Variants in NLGN1 observed in about 807,000 individuals in gnomAD.
NLGN1 encodes neuroligin 1.
Under a neutral mutation model 65.5 loss-of-function variants are expected in NLGN1, and 12 were observed. The ratio of observed to expected loss-of-function variants is 0.18; its 90% CI spans 0.12 to 0.30. NLGN1 has a LOEUF of 0.30. Ranked by LOEUF, NLGN1 falls within the 10% of genes least tolerant of loss-of-function variation. The pLI is 1.00. For synonymous variants in NLGN1, 350 were observed against 359.5 expected (o/e 0.97, Z 0.30); for missense variants, 750 against 1,007.1 (o/e 0.74, Z 3.46).
At position 174,162,912 on chromosome 3, in the gene NLGN1, A is replaced by G. The variant is rs1726815439; in HGVS notation, c.647-112403A>G. Among the ~76,000 whole-genome samples the G allele has an allele frequency of 3.9e-5, 6 of 151,942 alleles. No homozygotes were observed. The South Asian group carries it at 1.2e-3, about 32-fold the overall frequency. ...TTAGGTAAATGAAATATCAGTTTTT[A>G]TTGACACCTCTGAGAGGAAGATATA... On this transcript the variant is annotated intron_variant, in intron 4 of 6. Coordinates refer to ENST00000457714, the Ensembl canonical transcript of NLGN1.
chr3:173,733,915 G>GTAC (rs1333880932), intron 3 of NLGN1, among the ~76,000 whole-genome samples: 26 of 151,998 alleles, frequency 1.7e-4, no homozygotes, highest in Non-Finnish European at 1.3e-4. Context: ...CAGTTTAGAT[G>GTAC]TACTAAATCT....
At chr3:173,502,449 T>G (rs1169058526) in intron 2 of NLGN1, among the ~76,000 whole-genome samples, 1 of 152,156 alleles carries the variant, frequency 6.6e-6, no homozygotes, top group African/African-American at 2.4e-5. Context: ...TAATAAATGC[T>G]TCCAGAGAAT....
chr3:174,293,165 G>C, the NLGN1 span, among the ~76,000 whole-genome samples: 18,098 of 151,426 alleles, frequency 0.12, 1,655 homozygotes, highest in East Asian at 0.52. Flanking sequence ...ACCTAAAATA[G>C]TGTTGATAGA....
At chr3:173,848,123 A>G (rs539203984) in intron 4 of NLGN1, among the ~76,000 whole-genome samples, 35 of 152,292 alleles carry the variant, frequency 2.3e-4, no homozygotes, top group African/African-American at 7.7e-4. Context: ...GGAGCATGTT[A>G]CTTAACCCCT....
chr3:173,795,214 C>T (rs1012992292), intron 3 of NLGN1, among the ~76,000 whole-genome samples: 1 of 152,080 alleles, frequency 6.6e-6, no homozygotes, highest in Non-Finnish European at 1.5e-5. Flanking sequence ...AAGATTTGCA[C>T]TGATATGGAT....
intron 4 of NLGN1, among the ~76,000 whole-genome samples, chr3:173,862,771 A>G (rs1305715563): frequency 6.6e-6 from 1 of 152,144 alleles, no homozygotes; most frequent in Non-Finnish European, 1.5e-5. Context: ...AGTAAAAACC[A>G]TTGATATCCT....
At chr3:173,449,667 A>G (rs945895527) in intron 2 of NLGN1, among the ~76,000 whole-genome samples, 1 of 152,166 alleles carries the variant, frequency 6.6e-6, no homozygotes, top group African/African-American at 2.4e-5. Flanking sequence ...GTGGGGTGTT[A>G]AAGTCTCCCA....
chr3:173,716,190 G>A (rs951724228), intron 3 of NLGN1, among the ~76,000 whole-genome samples: 4 of 152,116 alleles, frequency 2.6e-5, no homozygotes, highest in African/African-American at 7.2e-5. Flanking sequence ...TCAGGAAAGC[G>A]ATTTGAAGGA....
intron 4 of NLGN1, among the ~76,000 whole-genome samples, chr3:173,956,305 C>T (rs888272893): frequency 2.6e-5 from 4 of 152,158 alleles, no homozygotes; most frequent in African/African-American, 7.2e-5. Flanking sequence ...CAAGAGAAGT[C>T]TAGCTTGTGA....
chr3:173,651,383 A>G (rs1254412708), intron 3 of NLGN1, among the ~76,000 whole-genome samples: 1 of 151,906 alleles, frequency 6.6e-6, no homozygotes, highest in Non-Finnish European at 1.5e-5. Flanking sequence ...AGTTAGGTTG[A>G]TTCCATATCT....
At chr3:174,149,498 T>A (rs1383487091) in intron 4 of NLGN1, among the ~76,000 whole-genome samples, 1 of 152,176 alleles carries the variant, frequency 6.6e-6, no homozygotes. Flanking sequence ...TGTCCCTATC[T>A]TCTCTAATGT....
At chr3:173,513,357 T>C (rs899836871) in intron 2 of NLGN1, among the ~76,000 whole-genome samples, 3 of 152,204 alleles carry the variant, frequency 2.0e-5, no homozygotes, top group Non-Finnish European at 4.4e-5. Context: ...TTCAGACTTG[T>C]TCAAACTGAG....
chr3:174,281,854 A>T (rs1751578909), exon 7 of NLGN1: 1 of 152,880 alleles, frequency 6.5e-6, no homozygotes, highest in African/African-American at 2.4e-5. Context: ...GTACACCATT[A>T]TCACATAAGT....
chr3:174,010,195 C>T (rs1273036878), intron 4 of NLGN1, among the ~76,000 whole-genome samples: 2 of 152,140 alleles, frequency 1.3e-5, no homozygotes, highest in Admixed American at 1.3e-4. Flanking sequence ...TGAAGACAAA[C>T]TCTATAATGC....
At chr3:173,907,185 C>T (rs1054044967) in intron 4 of NLGN1, among the ~76,000 whole-genome samples, 8 of 152,136 alleles carry the variant, frequency 5.3e-5, no homozygotes, top group Non-Finnish European at 1.0e-4. Flanking sequence ...AGCTCTGCTT[C>T]GTTATAAAGA....
intron 4 of NLGN1, among the ~76,000 whole-genome samples, chr3:174,038,242 C>T (rs1731555935): frequency 6.6e-6 from 1 of 152,118 alleles, no homozygotes; most frequent in Non-Finnish European, 1.5e-5. Context: ...CCCACTGAAT[C>T]GCTAGATTTT....
chr3:173,805,736 G>A (rs1716496655), intron 3 of NLGN1, among the ~76,000 whole-genome samples: 1 of 152,200 alleles, frequency 6.6e-6, no homozygotes, highest in African/African-American at 2.4e-5. Flanking sequence ...AGTGTCTGCT[G>A]TGAACAGTCA....
intron 4 of NLGN1, among the ~76,000 whole-genome samples, chr3:174,095,203 T>C (rs1447313402): frequency 2.0e-5 from 3 of 150,020 alleles, no homozygotes; most frequent in African/African-American, 7.4e-5. Flanking sequence ...CTTGTACCTG[T>C]GGAAGAAATT....
intron 4 of NLGN1, among the ~76,000 whole-genome samples, chr3:173,936,952 G>A (rs564753240): frequency 6.6e-6 from 1 of 152,094 alleles, no homozygotes; most frequent in Non-Finnish European, 1.5e-5. Flanking sequence ...CTTAACTAAA[G>A]TAGCATGTAA....
Sources: gnomAD v4.1 joint callset for allele counts (sites outside exome capture counted in the v4.1 genomes callset) on GRCh38, gnomAD v4.1.1 for gene constraint, MANE v1.5 for transcripts, NCBI Gene and HGNC (gene_info 2026-07-23, HGNC 2026-07-21) for gene names.